NDUFS4: variants seen among roughly 807,000 people sequenced by gnomAD.
NDUFS4 encodes NADH dehydrogenase [ubiquinone] iron-sulfur protein 4, mitochondrial.
A neutral mutation model predicts 24.3 loss-of-function variants in NDUFS4; 28 were observed. The observed-to-expected ratio is 1.15, with a 90% CI of 0.85 to 1.58. The LOEUF (loss-of-function observed/expected upper bound fraction) is 1.58, where lower values mean the gene tolerates loss of function less well. NDUFS4 is among the 40% of genes most tolerant of loss of function. The pLI is 0.00. For synonymous variants in NDUFS4, 93 were observed against 69.7 expected (o/e 1.34, Z -1.67); for missense variants, 223 against 207.9 (o/e 1.07, Z -0.45).
chr5:53,682,184 T>C (rs1383591445), intron 4 of NDUFS4, among the ~76,000 whole-genome samples: 3 of 152,122 alleles, frequency 2.0e-5, no homozygotes, highest in Non-Finnish European at 2.9e-5. Context: ...AAGAATGACT[T>C]AATTATATTT....
At chr5:53,598,779 T>C (rs1002054656) in intron 1 of NDUFS4, among the ~76,000 whole-genome samples, 1 of 152,306 alleles carries the variant, frequency 6.6e-6, no homozygotes, top group South Asian at 2.1e-4. Flanking sequence ...GTTTATTGAT[T>C]TTCATTTTCA....
At chr5:53,680,425 A>G (rs1479121679) in intron 4 of NDUFS4, among the ~76,000 whole-genome samples, 1 of 152,200 alleles carries the variant, frequency 6.6e-6, no homozygotes, top group African/African-American at 2.4e-5. Context: ...CACAATAGCA[A>G]AGACTTGGAA....
At chr5:53,575,382 A>G (rs768552296) in intron 1 of NDUFS4, among the ~76,000 whole-genome samples, 1 of 152,082 alleles carries the variant, frequency 6.6e-6, no homozygotes, top group Non-Finnish European at 1.5e-5. Context: ...TACAGGGTAC[A>G]GTGTGCTTGC....
chr5:53,682,866 T>G (rs1184623379), intron 4 of NDUFS4, among the ~76,000 whole-genome samples: 1 of 152,124 alleles, frequency 6.6e-6, no homozygotes, highest in Non-Finnish European at 1.5e-5. Context: ...AAGGTGAAAT[T>G]GAATCATAGT....
chr5:53,634,783 A>G (rs920200347), intron 2 of NDUFS4, among the ~76,000 whole-genome samples: 1 of 151,710 alleles, frequency 6.6e-6, no homozygotes, highest in Admixed American at 6.6e-5. Flanking sequence ...AGGTAATGTT[A>G]TATAAGTTCC....
chr5:53,674,453 C>T (rs2111584566), intron 4 of NDUFS4, among the ~76,000 whole-genome samples: 1 of 152,150 alleles, frequency 6.6e-6, no homozygotes, highest in African/African-American at 2.4e-5. Context: ...GCCAAGGTGC[C>T]ATTATTTTAG....
At chr5:53,655,558 G>A (rs1432109343) in intron 3 of NDUFS4, among the ~76,000 whole-genome samples, 8 of 151,874 alleles carry the variant, frequency 5.3e-5, no homozygotes, top group Admixed American at 5.2e-4. Flanking sequence ...TCTTTTAGTG[G>A]ATATGTGGCT....
At chr5:53,619,560 A>G (rs1324504740) in intron 2 of NDUFS4, among the ~76,000 whole-genome samples, 1 of 151,780 alleles carries the variant, frequency 6.6e-6, no homozygotes, top group Non-Finnish European at 1.5e-5. Context: ...AAAAAGATAC[A>G]TATTTTTTAA....
At chr5:53,579,494 G>C (rs1465303497) in intron 1 of NDUFS4, among the ~76,000 whole-genome samples, 1 of 152,062 alleles carries the variant, frequency 6.6e-6, no homozygotes, top group Non-Finnish European at 1.5e-5. Context: ...TACCTTATAT[G>C]GCAAAAGGGA....
chr5:53,594,413 T>G (rs1417679597), intron 1 of NDUFS4, among the ~76,000 whole-genome samples: 1 of 152,132 alleles, frequency 6.6e-6, no homozygotes, highest in Admixed American at 6.5e-5. Context: ...TTTTAGTCTG[T>G]GTCTTTATAA....
At chr5:53,661,204 C>A (rs1752332418) in intron 4 of NDUFS4, among the ~76,000 whole-genome samples, 2 of 152,190 alleles carry the variant, frequency 1.3e-5, no homozygotes, top group African/African-American at 4.8e-5. Flanking sequence ...GATCCAGTTT[C>A]AGCTTTCTAC....
chr5:53,668,338 A>G (rs1752575002), intron 4 of NDUFS4, among the ~76,000 whole-genome samples: 1 of 152,182 alleles, frequency 6.6e-6, no homozygotes, highest in Admixed American at 6.5e-5. Flanking sequence ...TCCCTTTTAA[A>G]TGTCAAATAA....
At chr5:53,575,946 T>C (rs142556912) in intron 1 of NDUFS4, among the ~76,000 whole-genome samples, 4 of 152,362 alleles carry the variant, frequency 2.6e-5, no homozygotes, top group Non-Finnish European at 5.9e-5. Context: ...GGTTTCACAA[T>C]ACATGTACTT....
intron 3 of NDUFS4, among the ~76,000 whole-genome samples, chr5:53,648,266 A>G (rs1478963596): frequency 3.3e-5 from 5 of 152,184 alleles, no homozygotes; most frequent in Non-Finnish European, 7.4e-5. Flanking sequence ...ATGTCCCTCA[A>G]AGCCCATAAT....
At chr5:53,647,969 A>G (rs1199142625) in intron 3 of NDUFS4, among the ~76,000 whole-genome samples, 1 of 152,238 alleles carries the variant, frequency 6.6e-6, no homozygotes, top group Non-Finnish European at 1.5e-5. Flanking sequence ...AAAGTCAAAC[A>G]ATACAAATTC....
chr5:53,612,449 G>C (rs892496168), intron 2 of NDUFS4, among the ~76,000 whole-genome samples: 1 of 152,046 alleles, frequency 6.6e-6, no homozygotes, highest in Non-Finnish European at 1.5e-5. Context: ...GAGTGAGGAA[G>C]GACATCTATT....
At chr5:53,624,854 A>G (rs1751167929) in intron 2 of NDUFS4, among the ~76,000 whole-genome samples, 1 of 152,146 alleles carries the variant, frequency 6.6e-6, no homozygotes, top group Non-Finnish European at 1.5e-5. Flanking sequence ...TTCCAGTACT[A>G]CATTGAATAG....
chr5:53,680,239 T>TAA (rs1046873079), intron 4 of NDUFS4, among the ~76,000 whole-genome samples: 3 of 152,262 alleles, frequency 2.0e-5, no homozygotes, highest in Admixed American at 2.0e-4. Context: ...ATGCAACCTA[T>TAA]AAACTCTGTA....
chr5:53,606,725 C>T (rs1750524143), intron 2 of NDUFS4, among the ~76,000 whole-genome samples: 1 of 152,216 alleles, frequency 6.6e-6, no homozygotes, highest in African/African-American at 2.4e-5. Context: ...CAGCACTAAG[C>T]TCTGCATGAG....
Sources: gnomAD v4.1 joint callset for allele counts (sites outside exome capture counted in the v4.1 genomes callset) on GRCh38, gnomAD v4.1.1 for gene constraint, MANE v1.5 for transcripts, NCBI Gene and HGNC (gene_info 2026-07-23, HGNC 2026-07-21) for gene names.